TRMT9B: variants seen among roughly 807,000 people sequenced by gnomAD.
TRMT9B encodes tRNA methyltransferase 9B (putative), also known as probable tRNA methyltransferase 9B.
TRMT9B carries 16 observed loss-of-function variants against 11.5 expected under a neutral mutation model. That is an observed-to-expected ratio of 1.39 (90% CI 0.94 to 2.11). The LOEUF (loss-of-function observed/expected upper bound fraction) is 2.11. Among genes scored for constraint, TRMT9B ranks in the 30% most tolerant of loss-of-function variants. The pLI is 0.00. For missense variants in TRMT9B, 941 were observed against 553.8 expected (o/e 1.70, Z -7.02); for synonymous variants, 274 against 192.4 (o/e 1.42, Z -3.51).
chr8:13,011,347 G>C, intron 3 of TRMT9B: 1 of 985,250 alleles, frequency 1.0e-6, no homozygotes, highest in Non-Finnish European at 1.2e-6. Context: ...TGAATCTTAA[G>C]TTTGCTTTTA....
intron 2 of TRMT9B, among the ~76,000 whole-genome samples, chr8:12,999,312 A>AG (rs1466970868): frequency 6.8e-6 from 1 of 147,336 alleles, no homozygotes; most frequent in African/African-American, 2.6e-5. Flanking sequence ...AAAAAAAAAA[A>AG]AAAGAAAAGA....
intron 1 of TRMT9B, among the ~76,000 whole-genome samples, chr8:12,961,182 A>C (rs1396167818): frequency 6.6e-6 from 1 of 152,072 alleles, no homozygotes; most frequent in African/African-American, 2.4e-5. Context: ...GTGATATAGT[A>C]GTGGTGGATA....
intron 1 of TRMT9B, among the ~76,000 whole-genome samples, chr8:12,960,655 A>G (rs1238330433): frequency 2.0e-5 from 3 of 152,392 alleles, no homozygotes; most frequent in African/African-American, 4.8e-5. Context: ...TCAAGTCACA[A>G]AAAGACACGG....
At chr8:12,955,377 C>T (rs1053630935) in intron 1 of TRMT9B, among the ~76,000 whole-genome samples, 4 of 152,142 alleles carry the variant, frequency 2.6e-5, no homozygotes, top group Non-Finnish European at 4.4e-5. Context: ...GTATGGTCCT[C>T]TTCACACATA....
At chr8:12,999,888 T>G (rs1300339215) in intron 2 of TRMT9B, among the ~76,000 whole-genome samples, 3 of 152,212 alleles carry the variant, frequency 2.0e-5, no homozygotes, top group Non-Finnish European at 4.4e-5. Flanking sequence ...TCTCTCAATT[T>G]TATTATAATA....
chr8:12,991,035 A>G lies in TRMT9B; in HGVS notation c.-2+4A>G, dbSNP rs1389333683. The G allele has an allele frequency of 1.6e-5, 19 of 1,218,718 alleles. No homozygotes were observed. The highest frequency in any genetic ancestry group is 5.8e-5 in the East Asian group (1 of 17,324). The allele number at this position is 1,218,718 out of a possible 1,614,324, so 75.5% of individuals were successfully genotyped here. A position where few individuals can be genotyped will look rare whatever the true frequency, so the allele number is the denominator to read the frequency against. On this transcript the variant is annotated splice_donor_region_variant and intron_variant, in intron 2 of 4. Coordinates refer to ENST00000524591, the MANE Select transcript of TRMT9B (RefSeq NM_020844.3). ...CTGTAATCACAGGATGACTCAGGTT[A>G]GTAGCTTTCAGCGCTTCTGCAACTC...
At chr8:12,956,280 G>C (rs566741631) in intron 1 of TRMT9B, among the ~76,000 whole-genome samples, 1 of 152,268 alleles carries the variant, frequency 6.6e-6, no homozygotes, top group African/African-American at 2.4e-5. Flanking sequence ...TTTGGCTAGA[G>C]TATTTATTTT....
At chr8:13,010,632 C>T (rs1441652450) in intron 3 of TRMT9B, 1 of 984,878 alleles carries the variant, frequency 1.0e-6, no homozygotes, top group East Asian at 1.1e-4. Flanking sequence ...CTTCTTATTA[C>T]AAAATGCTCT....
intron 1 of TRMT9B, among the ~76,000 whole-genome samples, chr8:12,982,006 G>C (rs1805476792): frequency 6.6e-6 from 1 of 152,100 alleles, no homozygotes; most frequent in African/African-American, 2.4e-5. Flanking sequence ...AATTTTATGA[G>C]GGTAAAATTG....
intron 1 of TRMT9B, chr8:12,952,427 C>A (rs575514594): frequency 2.0e-5 from 6 of 303,282 alleles, no homozygotes; most frequent in Non-Finnish European, 4.0e-5. Flanking sequence ...AACAGCCTTG[C>A]AATACGATCA....
At chr8:12,997,059 A>G (rs1369207614) in intron 2 of TRMT9B, among the ~76,000 whole-genome samples, 1 of 151,318 alleles carries the variant, frequency 6.6e-6, no homozygotes, top group Admixed American at 6.6e-5. Flanking sequence ...CTTTCCATAA[A>G]CGGAATCCAA....
Position 13,021,269 on chromosome 8 carries a change from G to A in TRMT9B, c.590G>A (p.Cys197Tyr). 1.2e-6 allele frequency: 2 copies of A among 1,613,980 alleles called. No homozygotes were observed. Among genetic ancestry groups the A allele is most frequent in the South Asian group, 1.1e-5 (1 of 91,076 alleles). Reference sequence around the variant, plus strand: ...CCCTACCATCCTCCTTGCTCTGAGTGTAGCTGTTCTGTTTGTTTTAAAGAG... The same window carrying A: ...CCCTACCATCCTCCTTGCTCTGAGTATAGCTGTTCTGTTTGTTTTAAAGAG... The part of the protein sequence containing the change: ...GHPYHPPCSE[C>Y]SCSVCFKEQC... The change falls in exon 5 of 5, where the codon TGT becomes TAT. Residue 197 changes from cysteine (C) to tyrosine (Y), a missense_variant. Coordinates refer to ENST00000524591, the MANE Select transcript of TRMT9B (RefSeq NM_020844.3).
At chr8:12,948,845 C>T (rs369256039) in intron 1 of TRMT9B, among the ~76,000 whole-genome samples, 10 of 151,930 alleles carry the variant, frequency 6.6e-5, no homozygotes, top group African/African-American at 1.7e-4. Flanking sequence ...CTGTAGTCCC[C>T]GCTACTTGGG....
intron 1 of TRMT9B, among the ~76,000 whole-genome samples, chr8:12,949,379 T>C (rs1000381790): frequency 6.6e-6 from 1 of 152,178 alleles, no homozygotes; most frequent in Non-Finnish European, 1.5e-5. Context: ...TATCCTTTCC[T>C]CCTTTTTGCT....
chr8:13,018,668 CA>C (rs1284672408), intron 4 of TRMT9B, among the ~76,000 whole-genome samples: 4 of 152,122 alleles, frequency 2.6e-5, no homozygotes, highest in South Asian at 2.1e-4. Context: ...AGCCTCTGAT[CA>C]CAACATTTTT....
At chr8:12,984,950 AACATACACAC>A (rs1297577654) in intron 1 of TRMT9B, among the ~76,000 whole-genome samples, 5 of 112,336 alleles carry the variant, frequency 4.5e-5, no homozygotes, top group Admixed American at 2.9e-4. Context: ...CACCTCCCTC[AACATACACAC>A]ACACACACAC....
chr8:13,011,437 T>A, intron 3 of TRMT9B: 4 of 985,410 alleles, frequency 4.1e-6, no homozygotes, highest in Non-Finnish European at 4.8e-6. Context: ...AAACTAATCA[T>A]CTTTGAATAG....
At chr8:12,956,171 C>T (rs927432635) in intron 1 of TRMT9B, among the ~76,000 whole-genome samples, 36 of 152,128 alleles carry the variant, frequency 2.4e-4, no homozygotes, top group African/African-American at 8.4e-4. Context: ...GGTTTCTAGC[C>T]TCAAAGGTAG....
intron 2 of TRMT9B, among the ~76,000 whole-genome samples, chr8:12,998,849 A>G (rs981093394): frequency 2.0e-5 from 3 of 152,226 alleles, no homozygotes; most frequent in Admixed American, 6.5e-5. Context: ...TCCAGTGATC[A>G]TTAAGAAGCT....
Sources: allele counts gnomAD v4.1 joint callset (sites outside exome capture counted in the v4.1 genomes callset), GRCh38; gene constraint gnomAD v4.1.1; transcripts MANE v1.5; gene names NCBI Gene and HGNC (gene_info 2026-07-23, HGNC 2026-07-21).